Variants in MECOM observed in about 807,000 individuals in gnomAD.
MECOM encodes the protein histone-lysine N-methyltransferase MECOM.
MECOM carries 13 observed loss-of-function variants against 116.3 expected under a neutral mutation model. The ratio of observed to expected loss-of-function variants is 0.11; its 90% CI spans 0.07 to 0.18. MECOM has a LOEUF of 0.18. MECOM is among the 10% of genes least tolerant of loss of function. The probability of loss-of-function intolerance (pLI) is 1.00; values close to 1 mark genes in which losing one functional copy is unlikely to be tolerated. For missense variants in MECOM, 1,299 were observed against 1,509.0 expected (o/e 0.86, Z 2.31); for synonymous variants, 528 against 535.2 (o/e 0.99, Z 0.19).
rs1326130176 is a variant in MECOM at position 169,599,605 on chromosome 3, C to G, written c.37+63731G>C. ...CATTTAACTTTTAGACAAGAATAAGCTGGTTCCCAATATAAGCTTTGTGAA... is the reference window on the plus strand; with the variant it reads ...CATTTAACTTTTAGACAAGAATAAGGTGGTTCCCAATATAAGCTTTGTGAA... On this transcript the variant is annotated intron_variant, in intron 1 of 16. Transcript: ENST00000651503. Among the ~76,000 whole-genome samples, 3 of 151,938 alleles carry G rather than the reference C, an allele frequency of 2.0e-5. No homozygotes were observed. The East Asian group carries it at 5.8e-4, about 29-fold the overall frequency.
chr3:169,102,140 G>A lies in MECOM; in HGVS notation c.2691C>T (p.Pro897=), dbSNP rs780068356. Reference sequence around the variant, plus strand: ...GAGGCGCCCTGAAGTTGAACATAGAGGGCACTGACTGTAAGAGCTCACTGG... The same window carrying A: ...GAGGCGCCCTGAAGTTGAACATAGAAGGCACTGACTGTAAGAGCTCACTGG... ...PEASELLQSV[P]SMFNFRAPPN... Residue 897 remains proline, a synonymous_variant, in exon 11 of 17, where the codon CCC becomes CCT. Coordinates refer to ENST00000651503, the MANE Select transcript of MECOM (RefSeq NM_004991.4). 1.7e-5 allele frequency: 28 copies of A among 1,613,934 alleles called. No individual in the cohort carries two copies. In the East Asian group the frequency reaches 5.8e-4, roughly 33 times the overall value.
At chr3:169,383,782 T>C (rs546794677) in intron 1 of MECOM, among the ~76,000 whole-genome samples, 1 of 152,312 alleles carries the variant, frequency 6.6e-6, no homozygotes, top group South Asian at 2.1e-4. Context: ...TTTGAAACCA[T>C]TCTTCCTTTC....
chr3:169,658,682 C>T (rs1775834723), intron 1 of MECOM, among the ~76,000 whole-genome samples: 1 of 152,218 alleles, frequency 6.6e-6, no homozygotes, highest in Non-Finnish European at 1.5e-5. Flanking sequence ...CCCACCCCCA[C>T]GTCCATCTTG....
chr3:169,473,847 A>G (rs1325899453), intron 1 of MECOM, among the ~76,000 whole-genome samples: 3 of 152,152 alleles, frequency 2.0e-5, no homozygotes, highest in Non-Finnish European at 2.9e-5. Context: ...TTACACATAT[A>G]GCAAAAGAGA....
intron 2 of MECOM, among the ~76,000 whole-genome samples, chr3:169,379,593 C>T (rs1290786): frequency 0.41 from 62,537 of 151,842 alleles, 13,247 homozygotes; most frequent in Middle Eastern, 0.51. Flanking sequence ...TCCCCAGGTT[C>T]ATCCACCAAT....
chr3:169,196,362 A>G (rs1032784206), intron 2 of MECOM, among the ~76,000 whole-genome samples: 5 of 152,100 alleles, frequency 3.3e-5, no homozygotes, highest in African/African-American at 1.2e-4. Flanking sequence ...TTTGAAAAGT[A>G]AAGTTGCTAG....
At chr3:169,386,687 G>A (rs1310972667) in intron 1 of MECOM, among the ~76,000 whole-genome samples, 1 of 151,970 alleles carries the variant, frequency 6.6e-6, no homozygotes, top group Non-Finnish European at 1.5e-5. Flanking sequence ...TAAATATCAT[G>A]AAAATGAGCC....
At chr3:169,539,605 C>T (rs781589726) in intron 1 of MECOM, among the ~76,000 whole-genome samples, 13 of 152,334 alleles carry the variant, frequency 8.5e-5, no homozygotes, top group Middle Eastern at 3.4e-3. Context: ...AATTCTTCCA[C>T]TTCTTTCCAT....
intron 2 of MECOM, among the ~76,000 whole-genome samples, chr3:169,351,008 G>A (rs1399496882): frequency 6.6e-6 from 1 of 151,746 alleles, no homozygotes; most frequent in East Asian, 1.9e-4. Context: ...ATAACCTAAA[G>A]AGCTTAAAAA....
At chr3:169,243,522 T>A (rs1577448133) in intron 2 of MECOM, among the ~76,000 whole-genome samples, 1 of 152,138 alleles carries the variant, frequency 6.6e-6, no homozygotes, top group East Asian at 1.9e-4. Flanking sequence ...AGTGTTTTTA[T>A]AAGAAAAACG....
At chr3:169,604,632 A>G (rs1029837780) in intron 1 of MECOM, among the ~76,000 whole-genome samples, 5 of 152,166 alleles carry the variant, frequency 3.3e-5, no homozygotes, top group African/African-American at 4.8e-5. Flanking sequence ...GTCCTCTCCA[A>G]ACCCCAGGAG....
At chr3:169,464,858 GAAATT>G (rs1748032936) in intron 1 of MECOM, among the ~76,000 whole-genome samples, 1 of 151,984 alleles carries the variant, frequency 6.6e-6, no homozygotes, top group African/African-American at 2.4e-5. Flanking sequence ...CTTCTACTAA[GAAATT>G]AAATTAAACA....
intron 2 of MECOM, among the ~76,000 whole-genome samples, chr3:169,246,242 T>TA (rs149616329): frequency 6.6e-6 from 1 of 152,150 alleles, no homozygotes; most frequent in Non-Finnish European, 1.5e-5. Flanking sequence ...TTTATTCTCT[T>TA]AAAAAACACA....
chr3:169,400,131 T>C (rs1364738072), intron 1 of MECOM, among the ~76,000 whole-genome samples: 2 of 152,218 alleles, frequency 1.3e-5, no homozygotes, highest in Non-Finnish European at 2.9e-5. Flanking sequence ...GGCCTGTCAA[T>C]TTTATGGAGT....
In MECOM at chr3:169,618,256, A is replaced by G. The variant is rs376463698; in HGVS notation, c.37+45080T>C. Among the ~76,000 whole-genome samples, 15 of 152,310 alleles carry G rather than the reference A, an allele frequency of 9.8e-5. No individual in the cohort carries two copies. In the East Asian group the frequency reaches 2.5e-3, roughly 25 times the overall value. On this transcript the variant is annotated intron_variant, in intron 1 of 16. Transcript: ENST00000651503. ...GTCAAGGTGAGTTTGAACCACACAC[A>G]CTTCCTTTCGTTTACTCCCACTAGC... is the stretch of plus-strand genomic sequence containing the variant.
intron 1 of MECOM, among the ~76,000 whole-genome samples, chr3:169,473,998 CAACAG>C (rs1440751597): frequency 2.0e-5 from 3 of 152,142 alleles, no homozygotes; most frequent in African/African-American, 7.2e-5. Flanking sequence ...GAGCACGACT[CAACAG>C]GACAGATTGG....
intron 2 of MECOM, among the ~76,000 whole-genome samples, chr3:169,266,286 T>C (rs961711995): frequency 2.0e-5 from 3 of 152,194 alleles, no homozygotes; most frequent in East Asian, 3.8e-4. Flanking sequence ...CATCTGTTAG[T>C]AAAGTTGTGT....
intron 1 of MECOM, among the ~76,000 whole-genome samples, chr3:169,407,835 C>A (rs1044044299): frequency 3.3e-5 from 5 of 152,140 alleles, no homozygotes; most frequent in Non-Finnish European, 7.4e-5. Context: ...GTAATCAAAT[C>A]ACCAGTCATC....
At chr3:169,252,158 T>G (rs1243278023) in intron 2 of MECOM, among the ~76,000 whole-genome samples, 2 of 152,194 alleles carry the variant, frequency 1.3e-5, no homozygotes, top group Non-Finnish European at 2.9e-5. Context: ...TTTAAAACTC[T>G]GTCTATTAAA....
Sources: allele counts gnomAD v4.1 joint callset (sites outside exome capture counted in the v4.1 genomes callset), GRCh38; gene constraint gnomAD v4.1.1; transcripts MANE v1.5; gene names NCBI Gene and HGNC (gene_info 2026-07-23, HGNC 2026-07-21).